NUP98: variants seen among roughly 807,000 people sequenced by gnomAD.
NUP98 encodes the protein nucleoporin 98 and 96 precursor, also known as nuclear pore complex protein Nup98-Nup96.
Under a neutral mutation model 191.9 loss-of-function variants are expected in NUP98, and 26 were observed. The observed-to-expected ratio is 0.14, with a 90% CI of 0.10 to 0.19. NUP98 has a LOEUF of 0.19. Among genes scored for constraint, NUP98 ranks in the 10% least tolerant of loss-of-function variants. The pLI, the probability that NUP98 is intolerant of heterozygous loss-of-function variation, is 1.00. For synonymous variants in NUP98, 808 were observed against 778.4 expected (o/e 1.04, Z -0.63); for missense variants, 1,941 against 2,178.8 (o/e 0.89, Z 2.17).
At chr11:3,789,865 A>C (rs985107761) in intron 1 of NUP98, among the ~76,000 whole-genome samples, 10 of 151,936 alleles carry the variant, frequency 6.6e-5, no homozygotes, top group African/African-American at 2.4e-4. Context: ...GCTCACTGCA[A>C]CCTCTGCCTC....
chr11:3,681,801 C>A (rs969782029), intron 30 of NUP98, among the ~76,000 whole-genome samples: 2 of 152,186 alleles, frequency 1.3e-5, no homozygotes, highest in Non-Finnish European at 2.9e-5. Context: ...CCATCACCAG[C>A]TGAATTAGCC....
At chr11:3,761,579 G>A (rs890938846) in intron 9 of NUP98, among the ~76,000 whole-genome samples, 2 of 152,150 alleles carry the variant, frequency 1.3e-5, no homozygotes, top group African/African-American at 2.4e-5. Flanking sequence ...CCACCATGGT[G>A]AAACCCCATT....
At chr11:3,739,990 A>G (rs976749946) in intron 12 of NUP98, among the ~76,000 whole-genome samples, 44 of 152,170 alleles carry the variant, frequency 2.9e-4, no homozygotes, top group African/African-American at 9.9e-4. Context: ...ACTACATATA[A>G]TATACGTAAT....
intron 9 of NUP98, among the ~76,000 whole-genome samples, chr11:3,762,103 CTT>C (rs2081190350): frequency 6.6e-6 from 1 of 152,008 alleles, no homozygotes; most frequent in African/African-American, 2.4e-5. Flanking sequence ...GTTTTAGGGA[CTT>C]TGTGTTCCTT....
At chr11:3,724,789 A>AAAAAAAAAAAAAAAAAG (rs1259105482) in intron 15 of NUP98, among the ~76,000 whole-genome samples, 1 of 150,258 alleles carries the variant, frequency 6.7e-6, no homozygotes, top group African/African-American at 2.5e-5. Context: ...TCAAAAAAAA[A>AAAAAAAAAAAAAAAAAG]AAAGAAAGAA....
intron 31 of NUP98, among the ~76,000 whole-genome samples, chr11:3,678,558 AG>A (rs2077888100): frequency 6.6e-6 from 1 of 152,232 alleles, no homozygotes; most frequent in Non-Finnish European, 1.5e-5. Context: ...AGAGAGAAGT[AG>A]GGGTAACAGC....
intron 11 of NUP98, among the ~76,000 whole-genome samples, chr11:3,746,250 C>T (rs1442191814): frequency 3.0e-5 from 2 of 65,748 alleles, no homozygotes; most frequent in African/African-American, 1.4e-4. Context: ...GCCTGGGCAA[C>T]AAGAGCAAAA....
chr11:3,761,230 G>A (rs1365338306), intron 9 of NUP98, among the ~76,000 whole-genome samples: 1 of 152,154 alleles, frequency 6.6e-6, no homozygotes, highest in African/African-American at 2.4e-5. Flanking sequence ...TAAATATGGT[G>A]ATAGTTGCAC....
chr11:3,796,686 A>C (rs1021692388), intron 1 of NUP98, among the ~76,000 whole-genome samples: 5 of 152,286 alleles, frequency 3.3e-5, no homozygotes, highest in Admixed American at 1.3e-4. Flanking sequence ...GTAGTAGAAA[A>C]CTGTTTAGAC....
intron 20 of NUP98, among the ~76,000 whole-genome samples, chr11:3,708,988 A>C (rs1385106327): frequency 6.6e-6 from 1 of 152,214 alleles, no homozygotes; most frequent in East Asian, 1.9e-4. Context: ...AACGTTTCAC[A>C]ACTGAAACCT....
At chr11:3,781,486 T>C (rs1469537216) in intron 2 of NUP98, 3 of 100,916 alleles carry the variant, frequency 3.0e-5, no homozygotes, top group Non-Finnish European at 5.8e-5. Flanking sequence ...GTGGACTTTC[T>C]GGTTTTAAAA....
rs745408936 is a variant in NUP98 at position 3,776,032 on chromosome 11, G to A, written c.356-11C>T. 2 of 1,588,324 alleles carry A rather than the reference G, an allele frequency of 1.3e-6. No homozygotes were observed. Among genetic ancestry groups the A allele is most frequent in the Non-Finnish European group, 1.7e-6 (2 of 1,168,866 alleles). The stretch of plus-strand genomic sequence containing the variant: ...TACTGGTTCCAAAATCTAAAAATAA[G>A]AAAGAAAAATGAGACGATAACAGTA... On this transcript the variant is annotated splice_polypyrimidine_tract_variant and intron_variant, in intron 4 of 32. Coordinates refer to ENST00000324932, the MANE Select transcript of NUP98 (RefSeq NM_016320.5).
chr11:3,746,529 C>T (rs1324382645), intron 11 of NUP98, among the ~76,000 whole-genome samples: 1 of 151,726 alleles, frequency 6.6e-6, no homozygotes, highest in East Asian at 1.9e-4. Context: ...ATGTGTATTG[C>T]CCTCACCTTT....
At chr11:3,691,547 C>A in intron 27 of NUP98, 58 bp from the exon 28 acceptor site, 1 of 1,515,778 alleles carries the variant, frequency 6.6e-7, no homozygotes, top group Non-Finnish European at 9.0e-7. Context: ...TACTAGATGC[C>A]ATTATGTTTC....
At position 3,797,540 on chromosome 11, in the gene NUP98, A is replaced by G; in HGVS notation, c.-169T>C. On this transcript the variant is annotated 5_prime_UTR_variant, in exon 1 of 33. Coordinates refer to ENST00000324932, the MANE Select transcript of NUP98 (RefSeq NM_016320.5). ...GACCGCCGCTTCGGGCGCAGCGCGC[A>G]GAGGGCCCGACTGCGTCACACGCCG... 1 of 451,852 alleles carries G rather than the reference A, an allele frequency of 2.2e-6. No individual in the cohort carries two copies. Among genetic ancestry groups the G allele is most frequent in the East Asian group, 3.6e-5 (1 of 28,146 alleles). The allele number at this position is 451,852 out of a possible 1,614,324, so 28.0% of individuals were successfully genotyped here.
At chr11:3,759,462 T>C (rs1405718289) in intron 10 of NUP98, among the ~76,000 whole-genome samples, 1 of 152,198 alleles carries the variant, frequency 6.6e-6, no homozygotes, top group Admixed American at 6.6e-5. Context: ...CCAGGCACAG[T>C]GGTGCGTGCC....
chr11:3,690,331 C>T (rs1222638290), intron 28 of NUP98, among the ~76,000 whole-genome samples: 3 of 151,312 alleles, frequency 2.0e-5, no homozygotes, highest in Non-Finnish European at 4.4e-5. Flanking sequence ...ATGATCTCTG[C>T]TCACTGCAAG....
At chr11:3,784,498 C>T (rs1480042284) in intron 1 of NUP98, among the ~76,000 whole-genome samples, 1 of 151,656 alleles carries the variant, frequency 6.6e-6, no homozygotes, top group Non-Finnish European at 1.5e-5. Flanking sequence ...TCTGTAGATC[C>T]CAATGCTTTG....
At chr11:3,778,198 CAAAAA>C (rs71302029) in intron 4 of NUP98, among the ~76,000 whole-genome samples, 2 of 60,542 alleles carry the variant, frequency 3.3e-5, no homozygotes, top group African/African-American at 5.9e-5. Context: ...GACTCCATCT[CAAAAA>C]AAAAAAAAAA....
Sources: allele counts gnomAD v4.1 joint callset (sites outside exome capture counted in the v4.1 genomes callset), GRCh38; gene constraint gnomAD v4.1.1; transcripts MANE v1.5; gene names NCBI Gene and HGNC (gene_info 2026-07-23, HGNC 2026-07-21).